Variants in PHKA2 observed in about 807,000 individuals in gnomAD.
PHKA2 encodes the protein phosphorylase b kinase regulatory subunit alpha, liver isoform.
PHKA2 carries 31 observed loss-of-function variants against 102.0 expected under a neutral mutation model. The observed-to-expected ratio is 0.30, with a 90% CI of 0.23 to 0.41. The LOEUF (loss-of-function observed/expected upper bound fraction) is 0.41, where lower values mean the gene tolerates loss of function less well. Among genes scored for constraint, PHKA2 ranks in the 10% least tolerant of loss-of-function variants. PHKA2 has a pLI of 1.00. For synonymous variants in PHKA2, 455 were observed against 416.2 expected (o/e 1.09, Z -1.13); for missense variants, 858 against 1,023.1 (o/e 0.84, Z 2.20).
chrX:18,974,276 C>A (rs928739050), intron 1 of PHKA2, among the ~76,000 whole-genome samples: 2 of 111,045 alleles, frequency 1.8e-5, no homozygotes, highest in Non-Finnish European at 3.8e-5. Flanking sequence ...TTCAGAAGAA[C>A]AATTTAAACT....
intron 1 of PHKA2, among the ~76,000 whole-genome samples, chrX:18,955,201 G>T (rs1384806175): frequency 8.9e-6 from 1 of 112,265 alleles, no homozygotes; most frequent in African/African-American, 3.2e-5. Flanking sequence ...AACAGGGATG[G>T]ACCTTGAAGA....
Position 18,923,716 on chromosome X carries a change from C to G in PHKA2, c.1793+340G>C, listed in dbSNP as rs752562819. On this transcript the variant is annotated intron_variant, in intron 17 of 32. Coordinates refer to ENST00000379942, the MANE Select transcript of PHKA2 (RefSeq NM_000292.3). The stretch of plus-strand genomic sequence containing the variant: ...TATTGGGCACCTGCAGGATCCCAGG[C>G]AGAGTATTTTCTTCCACACCTTTTA... 2.7e-5 allele frequency among the ~76,000 whole-genome samples: 3 copies of G among 112,314 alleles called. No individual in the cohort carries two copies. The South Asian group carries it at 1.1e-3, about 42-fold the overall frequency.
At chrX:18,954,190 T>A (rs956694710) in intron 2 of PHKA2, 64 bp downstream of exon 2, 1 of 1,117,739 alleles carries the variant, frequency 8.9e-7, no homozygotes, top group Non-Finnish European at 1.2e-6. Context: ...TACTTCTCTG[T>A]GGGTTTTTCA....
intron 29 of PHKA2, among the ~76,000 whole-genome samples, chrX:18,898,871 A>G (rs1467053724): frequency 8.9e-6 from 1 of 111,983 alleles, no homozygotes; most frequent in Non-Finnish European, 1.9e-5. Context: ...AGAGGCATGG[A>G]ACTAATGCCC....
intron 30 of PHKA2, 148 bp from the exon 31 acceptor site, chrX:18,895,339 T>G: frequency 1.8e-6 from 1 of 544,374 alleles, no homozygotes. Flanking sequence ...GAGTTATTTT[T>G]AGAGAGCTTG....
At chrX:18,927,167 C>T (rs2048224425) in intron 13 of PHKA2, among the ~76,000 whole-genome samples, 1 of 111,683 alleles carries the variant, frequency 9.0e-6, no homozygotes, top group African/African-American at 3.3e-5. Flanking sequence ...CAGGGCCCCA[C>T]CGGTGGGGAA....
Position 18,929,253 on chromosome X carries a change from T to C in PHKA2, c.1299A>G (p.Ser433=). The change falls in exon 13 of 33, where the codon TCA becomes TCG. Residue 433 remains serine, a synonymous_variant. Transcript: ENST00000379942. ...CTTGTACTACAACATCAGGTTTGAC[T>C]GAAGTGGAAAATCTTCTATTTAAGG... ...IDPLNRRFST[S]VKPDVVVQVT... 2 of 1,172,517 alleles carry C rather than the reference T, an allele frequency of 1.7e-6. No individual in the cohort carries two copies. Among genetic ancestry groups the C allele is most frequent in the Non-Finnish European group, 2.3e-6 (2 of 870,494 alleles).
intron 15 of PHKA2, 141 bp from the exon 16 acceptor site, chrX:18,924,666 G>C: frequency 1.7e-6 from 1 of 587,002 alleles, no homozygotes; most frequent in Non-Finnish European, 2.8e-6. Flanking sequence ...CCAGTCATGG[G>C]GCTGCCCTGC....
intron 11 of PHKA2, among the ~76,000 whole-genome samples, chrX:18,932,402 C>T (rs2147936913): frequency 9.0e-6 from 1 of 111,276 alleles, no homozygotes; most frequent in East Asian, 2.9e-4. Flanking sequence ...TCAGTCATCA[C>T]ATCATTGGTT....
chrX:18,897,667 G>A (rs976589906), intron 29 of PHKA2: 6 of 277,586 alleles, frequency 2.2e-5, no homozygotes, highest in African/African-American at 1.4e-4. Flanking sequence ...CTCAATGCCA[G>A]CGGTGCCAAG....
intron 5 of PHKA2, among the ~76,000 whole-genome samples, chrX:18,945,740 C>T (rs763121181): frequency 2.6e-4 from 29 of 110,955 alleles, no homozygotes; most frequent in South Asian, 3.8e-4. Context: ...AATGCTGGCA[C>T]CCAGAGGACT....
intron 27 of PHKA2, among the ~76,000 whole-genome samples, chrX:18,900,975 G>A (rs1374896013): frequency 9.2e-6 from 1 of 109,159 alleles, no homozygotes; most frequent in Non-Finnish European, 1.9e-5. Flanking sequence ...CTCCGATGTT[G>A]AGCTGTGGCC....
At chrX:18,961,611 C>T (rs1277660368) in intron 1 of PHKA2, among the ~76,000 whole-genome samples, 2 of 94,044 alleles carry the variant, frequency 2.1e-5, no homozygotes, top group African/African-American at 8.3e-5. Context: ...TGAGCTGAGA[C>T]GGTGCCACAC....
rs553731942 is a variant in PHKA2, at chrX:18,957,224, G to A, written c.79-2812C>T. ...CAGCCACTGCTTTCCCTTCTAATAG[G>A]GATGACCCAGTGGTTTTGTCTTTGA... On this transcript the variant is annotated intron_variant, in intron 1 of 32. Coordinates refer to ENST00000379942, the MANE Select transcript of PHKA2 (RefSeq NM_000292.3). Among the ~76,000 whole-genome samples the A allele has an allele frequency of 5.3e-5, 6 of 112,434 alleles. No individual in the cohort carries two copies. The South Asian group carries it at 1.8e-3, about 34-fold the overall frequency.
Position 18,984,020 on chromosome X carries a change from G to T in PHKA2, c.-88C>A. The T allele has an allele frequency of 1.3e-6, 1 of 750,504 alleles. No homozygotes were observed. Among genetic ancestry groups the T allele is most frequent in the Non-Finnish European group, 2.1e-6 (1 of 479,917 alleles). 61.8% of individuals were successfully genotyped at this position (750,504 alleles called of 1,213,427 possible). A position where few individuals can be genotyped will look rare whatever the true frequency, so the allele number is the denominator to read the frequency against. On this transcript the variant is annotated 5_prime_UTR_variant, in exon 1 of 33. Coordinates refer to ENST00000379942, the MANE Select transcript of PHKA2 (RefSeq NM_000292.3). The stretch of plus-strand genomic sequence containing the variant: ...TGGCCTCCAAGCGGGTCTGGTTCCC[G>T]GACACTCACAGCCTTAGTCGGTTCT...
At chrX:18,983,708 TG>T in intron 1 of PHKA2, 146 bp downstream of exon 1, 1 of 539,425 alleles carries the variant, frequency 1.9e-6, no homozygotes. Context: ...GGCAATGGGG[TG>T]GTAATCACTG....
intron 1 of PHKA2, among the ~76,000 whole-genome samples, chrX:18,954,857 G>A (rs2048751548): frequency 8.9e-6 from 1 of 112,057 alleles, no homozygotes; most frequent in Non-Finnish European, 1.9e-5. Flanking sequence ...GCCCCACTCC[G>A]CTCTCTAGCT....
chrX:18,904,227 AAGG>A (rs987157799), intron 26 of PHKA2, among the ~76,000 whole-genome samples: 3 of 111,642 alleles, frequency 2.7e-5, no homozygotes, highest in African/African-American at 9.8e-5. Flanking sequence ...TGGAAAACAG[AAGG>A]AGAAGGGTCT....
intron 30 of PHKA2, chrX:18,895,441 G>C: frequency 2.4e-6 from 1 of 411,887 alleles, no homozygotes; most frequent in Non-Finnish European, 4.3e-6. Context: ...TGCCCTAGGG[G>C]GCTGCCGAGT....
Sources: gnomAD v4.1 joint callset for allele counts (sites outside exome capture counted in the v4.1 genomes callset) on GRCh38, gnomAD v4.1.1 for gene constraint, MANE v1.5 for transcripts, NCBI Gene and HGNC (gene_info 2026-07-23, HGNC 2026-07-21) for gene names.